The following TMEM161A variants were observed in gnomAD, a reference collection of about 807,000 sequenced individuals.
TMEM161A encodes the protein adaptive response to oxidative stress protein 29.
A neutral mutation model predicts 57.1 loss-of-function variants in TMEM161A; 46 were observed. The ratio of observed to expected loss-of-function variants is 0.81; its 90% CI spans 0.64 to 1.03. The LOEUF (loss-of-function observed/expected upper bound fraction) is 1.03. TMEM161A is among the 50% of genes least tolerant of loss of function. TMEM161A has a pLI of 0.00. For synonymous variants in TMEM161A, 288 were observed against 279.0 expected (o/e 1.03, Z -0.32); for missense variants, 601 against 621.5 (o/e 0.97, Z 0.35).
At chr19:19,126,947 T>C (rs1056012944) in intron 6 of TMEM161A, among the ~76,000 whole-genome samples, 1 of 139,718 alleles carries the variant, frequency 7.2e-6, no homozygotes, top group Non-Finnish European at 1.6e-5. Flanking sequence ...CTTGGGAGCC[T>C]GAGGCATGAG....
At position 19,121,930 on chromosome 19, in the gene TMEM161A, T is replaced by G; in HGVS notation, c.596-111A>C. The G allele has an allele frequency of 8.0e-7, 1 of 1,242,462 alleles. No homozygotes were observed. Among genetic ancestry groups the G allele is most frequent in the Admixed American group, 2.1e-5 (1 of 47,702 alleles). The allele number at this position is 1,242,462 out of a possible 1,614,324, so 77.0% of individuals were successfully genotyped here. Reference sequence around the variant, plus strand: ...CATCCGTTTGCTTCCCAAGTAGGAATGAACAAGGGTCTGCCAGGCCCTGAG... The same window carrying G: ...CATCCGTTTGCTTCCCAAGTAGGAAGGAACAAGGGTCTGCCAGGCCCTGAG... On this transcript the variant is annotated intron_variant, in intron 6 of 11. Transcript: ENST00000162044. The surrounding 1 kb of genome is among the most constrained non-coding windows in gnomAD (Gnocchi z 5.8).
chr19:19,125,899 C>A (rs2059928538), intron 6 of TMEM161A, among the ~76,000 whole-genome samples: 1 of 152,006 alleles, frequency 6.6e-6, no homozygotes, highest in Non-Finnish European at 1.5e-5. Context: ...GAGGCTGAGG[C>A]AGGTGGATTG....
intron 6 of TMEM161A, among the ~76,000 whole-genome samples, chr19:19,126,166 A>C (rs1462673957): frequency 2.4e-4 from 2 of 8,470 alleles, no homozygotes; most frequent in African/African-American, 1.4e-3. Context: ...CTCTGTCTCA[A>C]AAAAAAAAAA....
At position 19,119,768 on chromosome 19, in the gene TMEM161A, G is replaced by C. The variant is rs1321574371; in HGVS notation, c.*162C>G. On this transcript the variant is annotated 3_prime_UTR_variant, in exon 12 of 12. Transcript: ENST00000162044. ...GAGACAGTTCTGAGGCAGAAACTCG[G>C]CGTCCAAGGGGGGCCGCGGGTCAGG... The C allele has an allele frequency of 2.6e-5, 22 of 850,632 alleles. No homozygotes were observed. Among genetic ancestry groups the C allele is most frequent in the Non-Finnish European group, 3.7e-5 (21 of 564,604 alleles). The allele number at this position is 850,632 out of a possible 1,614,324, so 52.7% of individuals were successfully genotyped here. A position where few individuals can be genotyped will look rare whatever the true frequency, so the allele number is the denominator to read the frequency against.
At position 19,138,420 on chromosome 19, in the gene TMEM161A, G is replaced by C. The variant is rs772587515; in HGVS notation, c.3+6C>G. On this transcript the variant is annotated splice_donor_region_variant and intron_variant, in intron 1 of 11. Transcript: ENST00000162044. ...GAACCCCCCACTTCGCGGGACGCTC[G>C]CTCACCATGACGCGTGCGAGAACGC... 2 of 1,603,524 alleles carry C rather than the reference G, an allele frequency of 1.2e-6. No homozygotes were observed. Among genetic ancestry groups the C allele is most frequent in the South Asian group, 1.1e-5 (1 of 89,116 alleles).
chr19:19,122,371 GA>G (rs1351656684), intron 6 of TMEM161A, among the ~76,000 whole-genome samples: 4 of 152,152 alleles, frequency 2.6e-5, no homozygotes, highest in Non-Finnish European at 4.4e-5. Context: ...TGTTGAGCCT[GA>G]GCTCCCTAGG....
Position 19,132,227 on chromosome 19 carries a change from G to A in TMEM161A, c.443+125C>T. The A allele has an allele frequency of 8.7e-7, 1 of 1,156,068 alleles. No homozygotes were observed. Among genetic ancestry groups the A allele is most frequent in the Non-Finnish European group, 1.2e-6 (1 of 815,386 alleles). The allele number at this position is 1,156,068 out of a possible 1,614,324, so 71.6% of individuals were successfully genotyped here. A position where few individuals can be genotyped will look rare whatever the true frequency, so the allele number is the denominator to read the frequency against. On this transcript the variant is annotated intron_variant, in intron 5 of 11. Coordinates refer to ENST00000162044, the MANE Select transcript of TMEM161A (RefSeq NM_017814.3). This position sits in a 1 kb window ranked among gnomAD's most constrained non-coding sequence, Gnocchi z 4.3. ...GGAGCACATAAAATGTCTGCTTCAT[G>A]TCACTAAGCTTGGGGAAGTTTGTGG...
In TMEM161A at chr19:19,119,994, G is replaced by A. The variant is rs762821425; in HGVS notation, c.1376C>T (p.Ala459Val). 6.3e-7 allele frequency: 1 copy of A among 1,584,346 alleles called. No homozygotes were observed. Among genetic ancestry groups the A allele is most frequent in the Non-Finnish European group, 8.6e-7 (1 of 1,166,100 alleles). Residue 459 changes from alanine to valine, a missense_variant, in exon 12 of 12, where the codon GCT becomes GTT. Coordinates refer to ENST00000162044, the MANE Select transcript of TMEM161A (RefSeq NM_017814.3). ...GVLAYLIWWTAACQLLASLFG... is the reference protein window; with the variant it reads ...GVLAYLIWWTVACQLLASLFG... ...AAGGCTGGCGAGCAGCTGGCAGGCA[G>A]CCGTCCACCAGATGAGGTAGGCCAG... is the stretch of plus-strand genomic sequence containing the variant.
At position 19,132,749 on chromosome 19, in the gene TMEM161A, G is replaced by A. The variant is rs1459720011; in HGVS notation, c.194C>T (p.Ala65Val). Reference sequence around the variant, plus strand: ...TGGCTTCTCCTCACTAAGGCCATTGGCCCACCTGGGAGGATGGTGACAAGC... The same window carrying A: ...TGGCTTCTCCTCACTAAGGCCATTGACCCACCTGGGAGGATGGTGACAAGC... ...PRPRGRKERWANGLSEEKPLS... is the reference protein window; with the variant it reads ...PRPRGRKERWVNGLSEEKPLS... The change falls in exon 4 of 12, where the codon GCC (alanine) becomes GTC (valine). Residue 65 changes from alanine to valine, a missense_variant. By Grantham distance (64) the Ala-to-Val change is moderately conservative. Transcript: ENST00000162044. The surrounding 1 kb of genome is among the most constrained non-coding windows in gnomAD (Gnocchi z 4.3). 2.6e-6 allele frequency: 4 copies of A among 1,539,450 alleles called. No homozygotes were observed. The highest frequency in any genetic ancestry group is 2.1e-5 in the Admixed American group (1 of 48,232).
At chr19:19,126,551 C>A (rs1403390819) in intron 6 of TMEM161A, among the ~76,000 whole-genome samples, 1 of 152,074 alleles carries the variant, frequency 6.6e-6, no homozygotes, top group East Asian at 1.9e-4. Flanking sequence ...ATGGCAAAAT[C>A]TGTCTCTATT....
rs2059963521 is a variant in TMEM161A at position 19,132,467 on chromosome 19, CA to C, written c.327del (p.Phe109LeufsTer36). On this transcript the variant is annotated frameshift_variant, in exon 5 of 12. Coordinates refer to ENST00000162044, the MANE Select transcript of TMEM161A (RefSeq NM_017814.3). LOFTEE classifies it high-confidence loss of function. This position sits in a 1 kb window ranked among gnomAD's most constrained non-coding sequence, Gnocchi z 4.3. Reference protein sequence around the residue: ...FFLEYQWFVDFAVYSGGVYLF... With the variant: ...FFLEYQWFVDXAVYSGGVYLF... ...AGGTACACGCCGCCCGAGTACACAGCAAAGTCCACAAACCACTGGTACTCCA... is the reference window on the plus strand; with the variant it reads ...AGGTACACGCCGCCCGAGTACACAGCAAGTCCACAAACCACTGGTACTCCA... 6.2e-7 allele frequency: 1 copy of C among 1,614,174 alleles called. No homozygotes were observed. Among genetic ancestry groups the C allele is most frequent in the Non-Finnish European group, 8.5e-7 (1 of 1,180,026 alleles).
chr19:19,119,748 A>G lies in TMEM161A; in HGVS notation c.*182T>C, dbSNP rs1568531652. 7 of 710,122 alleles carry G rather than the reference A, an allele frequency of 9.9e-6. 1 individual carries two copies. In the East Asian group the frequency reaches 1.6e-4, roughly 17 times the overall value. 44.0% of individuals were successfully genotyped at this position (710,122 alleles called of 1,614,324 possible). ...TCATGCTGCTGGGCCCAGGAGAGAC[A>G]GTTCTGAGGCAGAAACTCGGCGTCC... On this transcript the variant is annotated 3_prime_UTR_variant, in exon 12 of 12. Transcript: ENST00000162044.
intron 1 of TMEM161A, among the ~76,000 whole-genome samples, chr19:19,137,199 C>T (rs2059988686): frequency 6.6e-6 from 1 of 152,142 alleles, no homozygotes; most frequent in South Asian, 2.1e-4. Context: ...TGGTTCTGCA[C>T]CCTGCAGGCA....
intron 1 of TMEM161A, 58 bp downstream of exon 1, chr19:19,138,368 C>A: frequency 6.3e-7 from 1 of 1,579,574 alleles, no homozygotes; most frequent in Non-Finnish European, 8.6e-7. Context: ...TCTCCCTGGA[C>A]CCCTTCGGCT....
Position 19,132,030 on chromosome 19 carries a change from T to C in TMEM161A, c.443+322A>G, listed in dbSNP as rs1377884326. 6.6e-6 allele frequency among the ~76,000 whole-genome samples: 1 copy of C among 152,166 alleles called. No individual in the cohort carries two copies. Among genetic ancestry groups the C allele is most frequent in the African/African-American group, 2.4e-5 (1 of 41,440 alleles). The stretch of plus-strand genomic sequence containing the variant: ...CCCTGATTGTGGACTGGCCTGGTGA[T>C]TTCCTTAAACAAGGAGAATGTGGTA... On this transcript the variant is annotated intron_variant, in intron 5 of 11. Coordinates refer to ENST00000162044, the MANE Select transcript of TMEM161A (RefSeq NM_017814.3). The surrounding 1 kb of genome is among the most constrained non-coding windows in gnomAD (Gnocchi z 4.3).
Position 19,121,774 on chromosome 19 carries a change from T to C in TMEM161A, c.641A>G (p.Gln214Arg). ...CAGGACTCACGCCCAGTCCCAGCCC[T>C]GCTTCTTCAGAAGTGGCTCTAAGTT... The part of the protein sequence containing the change: ...TQNLEPLLKK[Q>R]GWDWALPVAK... Residue 214 changes from glutamine (Q) to arginine (R), a missense_variant, in exon 7 of 12, where the codon CAG becomes CGG. Coordinates refer to ENST00000162044, the MANE Select transcript of TMEM161A (RefSeq NM_017814.3). The surrounding 1 kb of genome is among the most constrained non-coding windows in gnomAD (Gnocchi z 5.8). The C allele has an allele frequency of 6.2e-7, 1 of 1,613,986 alleles. No homozygotes were observed. Among genetic ancestry groups the C allele is most frequent in the Non-Finnish European group, 8.5e-7 (1 of 1,179,976 alleles).
chr19:19,132,991 C>T lies in TMEM161A; in HGVS notation c.188+139G>A, dbSNP rs1192673803. 2 of 804,094 alleles carry T rather than the reference C, an allele frequency of 2.5e-6. No individual in the cohort carries two copies. Among genetic ancestry groups the T allele is most frequent in the Non-Finnish European group, 3.9e-6 (2 of 511,196 alleles). 49.8% of individuals were successfully genotyped at this position (804,094 alleles called of 1,614,324 possible). ...CCTTGGACTAGGGTCTCCCGGTTCA[C>T]CTGTGCCCAGATCAGCGCCTGGAAG... On this transcript the variant is annotated intron_variant, in intron 3 of 11. Transcript: ENST00000162044. This position sits in a 1 kb window ranked among gnomAD's most constrained non-coding sequence, Gnocchi z 4.3.
chr19:19,127,250 C>T (rs1357833878), intron 6 of TMEM161A, among the ~76,000 whole-genome samples: 1 of 151,802 alleles, frequency 6.6e-6, no homozygotes, highest in African/African-American at 2.4e-5. Flanking sequence ...TGGGAACAAC[C>T]CAAGCATTCA....
At chr19:19,137,649 C>G (rs2059990571) in intron 1 of TMEM161A, among the ~76,000 whole-genome samples, 1 of 152,208 alleles carries the variant, frequency 6.6e-6, no homozygotes, top group Non-Finnish European at 1.5e-5. Context: ...GCCCCACTTT[C>G]AATAATTCCG....
Sources: allele counts gnomAD v4.1 joint callset (sites outside exome capture counted in the v4.1 genomes callset), GRCh38; gene constraint gnomAD v4.1.1; non-coding constraint Gnocchi (gnomAD v3.1); transcripts MANE v1.5; gene names NCBI Gene and HGNC (gene_info 2026-07-23, HGNC 2026-07-21).